The following STK32C variants were observed in gnomAD, a reference collection of about 807,000 sequenced individuals.
STK32C encodes serine/threonine kinase 32C.
Under a neutral mutation model 56.5 loss-of-function variants are expected in STK32C, and 31 were observed. The observed-to-expected ratio is 0.55, with a 90% CI of 0.41 to 0.74. The LOEUF is 0.74. Ranked by LOEUF, STK32C falls within the 30% of genes least tolerant of loss-of-function variation. The probability of loss-of-function intolerance (pLI) is 0.00; values close to 1 mark genes in which losing one functional copy is unlikely to be tolerated. For synonymous variants in STK32C, 309 were observed against 289.4 expected (o/e 1.07, Z -0.69); for missense variants, 544 against 676.9 (o/e 0.80, Z 2.18).
chr10:132,260,823 A>G (rs1422107770), intron 1 of STK32C, among the ~76,000 whole-genome samples: 2 of 152,208 alleles, frequency 1.3e-5, no homozygotes, highest in African/African-American at 4.8e-5. Flanking sequence ...GCCCAACACC[A>G]CAGTGGCACC....
intron 5 of STK32C, 54 bp downstream of exon 5, chr10:132,225,693 C>T (rs1048369388): frequency 6.2e-7 from 1 of 1,612,108 alleles, no homozygotes; most frequent in African/African-American, 1.3e-5. Flanking sequence ...CCTCCCCTGA[C>T]AGGCCCATCC....
intron 1 of STK32C, among the ~76,000 whole-genome samples, chr10:132,329,117 AC>A (rs1240227023): frequency 6.6e-6 from 1 of 152,264 alleles, no homozygotes; most frequent in East Asian, 1.9e-4. Context: ...AAATGTGTCT[AC>A]CCCGGGCAGT....
At position 132,222,624 on chromosome 10, in the gene STK32C, C is replaced by T. The variant is rs777102281; in HGVS notation, c.1251+17G>A. The T allele has an allele frequency of 2.5e-6, 4 of 1,610,860 alleles. No individual in the cohort carries two copies. The highest frequency in any genetic ancestry group is 1.7e-4 in the Middle Eastern group (1 of 5,944). The stretch of plus-strand genomic sequence containing the variant: ...GCCCAGCCCGCCGCCGCGCCCTGAG[C>T]CTGCCCTGGCACTCACGGACTGGGA... On this transcript the variant is annotated intron_variant, in intron 10 of 11. Transcript: ENST00000298630.
In STK32C at chr10:132,228,488, A is replaced by G. The variant is rs538998769; in HGVS notation, c.319-360T>C. Reference sequence around the variant, plus strand: ...ACTCAGTCCTGCGTTTCAAGTCTGCAGCAGGACACATCTGTCAACAGGCGC... The same window carrying G: ...ACTCAGTCCTGCGTTTCAAGTCTGCGGCAGGACACATCTGTCAACAGGCGC... On this transcript the variant is annotated intron_variant, in intron 2 of 11. Coordinates refer to ENST00000298630, the MANE Select transcript of STK32C (RefSeq NM_173575.4). Among the ~76,000 whole-genome samples, 8 of 152,320 alleles carry G rather than the reference A, an allele frequency of 5.3e-5. No individual in the cohort carries two copies. The East Asian group carries it at 1.2e-3, about 22-fold the overall frequency.
chr10:132,315,132 C>T (rs555474758), intron 1 of STK32C, among the ~76,000 whole-genome samples: 2 of 151,488 alleles, frequency 1.3e-5, no homozygotes, highest in African/African-American at 2.4e-5. Context: ...GAAATTCCAT[C>T]TCAAAAAAAA....
rs546638310 is a variant in STK32C at position 132,284,540 on chromosome 10, C to T, written c.262+23032G>A. Among the ~76,000 whole-genome samples the T allele has an allele frequency of 1.1e-4, 17 of 152,254 alleles. No homozygotes were observed. In the South Asian group the frequency reaches 1.4e-3, roughly 13 times the overall value. On this transcript the variant is annotated intron_variant, in intron 1 of 11. Transcript: ENST00000298630. Reference sequence around the variant, plus strand: ...TGAGCACCCATGACACCCACAGAGCCCCCAGTAGCATCGACTGCATGGGCC... The same window carrying T: ...TGAGCACCCATGACACCCACAGAGCTCCCAGTAGCATCGACTGCATGGGCC...
At chr10:132,304,998 C>T (rs1409594219) in intron 1 of STK32C, among the ~76,000 whole-genome samples, 1 of 152,222 alleles carries the variant, frequency 6.6e-6, no homozygotes, top group Non-Finnish European at 1.5e-5. Flanking sequence ...GTACCGGAGC[C>T]TCCTCTCAGG....
intron 10 of STK32C, among the ~76,000 whole-genome samples, chr10:132,221,771 A>G (rs1183549823): frequency 7.4e-6 from 1 of 135,294 alleles, no homozygotes; most frequent in Non-Finnish European, 1.5e-5. Flanking sequence ...AAGCCAGCAC[A>G]CCTGGGCGAG....
At chr10:132,208,223 A>G (rs1287270319) in intron 11 of STK32C, 72 bp from the exon 12 acceptor site, 1 of 1,275,052 alleles carries the variant, frequency 7.8e-7, no homozygotes. Flanking sequence ...TGACCTGCCC[A>G]CGGGCTCATG....
chr10:132,254,403 GAA>G (rs2064030285), intron 1 of STK32C, among the ~76,000 whole-genome samples: 1 of 152,254 alleles, frequency 6.6e-6, no homozygotes, highest in African/African-American at 2.4e-5. Context: ...GACAGCAAAA[GAA>G]GAGAGGAGAG....
At chr10:132,329,276 T>G (rs2066581402) in intron 1 of STK32C, among the ~76,000 whole-genome samples, 1 of 152,054 alleles carries the variant, frequency 6.6e-6, no homozygotes, top group South Asian at 2.1e-4. Flanking sequence ...TAGCCCAGTG[T>G]GGTGGCACAT....
chr10:132,234,028 T>C (rs1313149925), intron 2 of STK32C, among the ~76,000 whole-genome samples: 3 of 152,218 alleles, frequency 2.0e-5, no homozygotes, highest in Non-Finnish European at 2.9e-5. Context: ...ATCGTTCCGA[T>C]GAGGTCTGGG....
chr10:132,249,027 C>T (rs909655282), intron 1 of STK32C: 12 of 471,412 alleles, frequency 2.5e-5, no homozygotes, highest in Non-Finnish European at 4.3e-5. Context: ...GCGCCCTGCA[C>T]ACCTGCAAAG....
Position 132,226,871 on chromosome 10 carries a change from C to T in STK32C, c.568G>A (p.Glu190Lys), listed in dbSNP as rs745972251. The T allele has an allele frequency of 5.0e-6, 8 of 1,613,352 alleles. No individual in the cohort carries two copies. The highest frequency in any genetic ancestry group is 1.7e-5 in the Admixed American group (1 of 60,012). ...YHLQQNVQFS[E>K]DTVRLYICEM... is the part of the protein sequence containing the mutation. ...CAGATGTACAGCCTCACCGTGTCCT[C>T]GGAGAACTGCACGTTCTGCTGCAGG... Residue 190 changes from glutamate to lysine, a missense_variant, in exon 4 of 12, where the codon GAG becomes AAG. Glu to Lys is a moderately conservative substitution (Grantham distance 56, BLOSUM62 1). Coordinates refer to ENST00000298630, the MANE Select transcript of STK32C (RefSeq NM_173575.4).
At chr10:132,231,171 C>T (rs1007951064) in intron 2 of STK32C, among the ~76,000 whole-genome samples, 1 of 152,234 alleles carries the variant, frequency 6.6e-6, no homozygotes, top group African/African-American at 2.4e-5. Context: ...AGCCAGGGAG[C>T]AGGGACAGAA....
intron 1 of STK32C, among the ~76,000 whole-genome samples, chr10:132,258,113 G>A (rs1053904090): frequency 2.0e-5 from 3 of 152,150 alleles, no homozygotes; most frequent in Non-Finnish European, 2.9e-5. Flanking sequence ...GGACCTCCCC[G>A]GGAGCAACAG....
At chr10:132,324,302 G>T (rs2066458340) in exon 2 of STK32C, 1 of 779,682 alleles carries the variant, frequency 1.3e-6, no homozygotes, top group Non-Finnish European at 2.4e-6. Flanking sequence ...GAAGGCTGCA[G>T]CTTCTTGTCT....
chr10:132,244,579 G>A (rs1472222712), intron 2 of STK32C, among the ~76,000 whole-genome samples: 1 of 152,166 alleles, frequency 6.6e-6, no homozygotes, highest in East Asian at 1.9e-4. Context: ...CCTCGGCCTG[G>A]CCCTCTCCAG....
chr10:132,232,230 C>T (rs938696138), intron 2 of STK32C, among the ~76,000 whole-genome samples: 3 of 152,220 alleles, frequency 2.0e-5, no homozygotes, highest in African/African-American at 4.8e-5. Flanking sequence ...CACTAGGACC[C>T]GCCCTCTGAG....
Sources: gnomAD v4.1 joint callset for allele counts (sites outside exome capture counted in the v4.1 genomes callset) on GRCh38, gnomAD v4.1.1 for gene constraint, MANE v1.5 for transcripts, NCBI Gene and HGNC (gene_info 2026-07-23, HGNC 2026-07-21) for gene names.